Variants in QTMAN observed in about 807,000 individuals in gnomAD.
QTMAN encodes the protein tRNA-queuosine alpha-mannosyltransferase.
At chr2:144,325,457 T>C in the QTMAN span, among the ~76,000 whole-genome samples, 1 of 148,336 alleles carries the variant, frequency 6.7e-6, no homozygotes, top group African/African-American at 2.5e-5. Flanking sequence ...ATTCCTAACA[T>C]GACCTAAAAG....
chr2:144,095,328 G>T, the QTMAN span, among the ~76,000 whole-genome samples: 5 of 152,080 alleles, frequency 3.3e-5, no homozygotes, highest in African/African-American at 1.2e-4. Context: ...ACATAGTAGG[G>T]ACTCTGTAAG....
chr2:143,939,415 A>T, the QTMAN span: 1 of 152,190 alleles, frequency 6.6e-6, no homozygotes, highest in Non-Finnish European at 1.5e-5. Flanking sequence ...CTAGCTCCCA[A>T]GTCATTCAAA....
At chr2:144,251,492 GATGAAGAC>G in the QTMAN span, among the ~76,000 whole-genome samples, 5 of 152,096 alleles carry the variant, frequency 3.3e-5, no homozygotes, top group Non-Finnish European at 4.4e-5. Flanking sequence ...AATGAATCTA[GATGAAGAC>G]CTTACAATAT....
chr2:144,310,477 A>T, the QTMAN span, among the ~76,000 whole-genome samples: 1 of 152,328 alleles, frequency 6.6e-6, no homozygotes, highest in Admixed American at 6.5e-5. Context: ...TTTTAACCTA[A>T]ATATTCTGGA....
At chr2:144,037,694 G>T in the QTMAN span, among the ~76,000 whole-genome samples, 1 of 151,988 alleles carries the variant, frequency 6.6e-6, no homozygotes, top group African/African-American at 2.4e-5. Flanking sequence ...ATATAGTAAA[G>T]TACTCATCAA....
the QTMAN span, among the ~76,000 whole-genome samples, chr2:144,209,303 C>T: frequency 1.3e-5 from 2 of 152,182 alleles, no homozygotes; most frequent in Non-Finnish European, 2.9e-5. Flanking sequence ...TTGTATTACT[C>T]CATCTTTAAA....
chr2:144,255,927 G>A, the QTMAN span, among the ~76,000 whole-genome samples: 1 of 152,194 alleles, frequency 6.6e-6, no homozygotes, highest in Non-Finnish European at 1.5e-5. Flanking sequence ...GTTGATGGTT[G>A]GGGGAAGGCT....
At chr2:144,181,979 G>A in the QTMAN span, among the ~76,000 whole-genome samples, 12 of 151,976 alleles carry the variant, frequency 7.9e-5, no homozygotes, top group Admixed American at 3.9e-4. Flanking sequence ...TGAAAAAAGC[G>A]CTCTGTGGCC....
At chr2:144,177,369 G>A in the QTMAN span, 1 of 569,924 alleles carries the variant, frequency 1.8e-6, no homozygotes, top group East Asian at 2.8e-5. Flanking sequence ...TTTGGGGGTA[G>A]TCAATTGGAG....
At chr2:144,163,885 C>CT in the QTMAN span, among the ~76,000 whole-genome samples, 1 of 152,156 alleles carries the variant, frequency 6.6e-6, no homozygotes, top group Non-Finnish European at 1.5e-5. Flanking sequence ...AGACTGCCTG[C>CT]TTTGCTAACT....
At chr2:143,952,759 A>C in the QTMAN span, 1 of 1,529,502 alleles carries the variant, frequency 6.5e-7, no homozygotes, top group Non-Finnish European at 9.1e-7. Flanking sequence ...ATGAATGTAC[A>C]TTAAAGCAGC....
the QTMAN span, among the ~76,000 whole-genome samples, chr2:144,097,650 A>C: frequency 3.9e-5 from 6 of 152,150 alleles, no homozygotes; most frequent in Admixed American, 3.3e-4. Context: ...TACTCTCAAT[A>C]GGGTGATGAG....
At chr2:144,224,220 T>C in the QTMAN span, among the ~76,000 whole-genome samples, 1 of 152,244 alleles carries the variant, frequency 6.6e-6, no homozygotes, top group Admixed American at 6.5e-5. Flanking sequence ...TCTTTTTTAT[T>C]TTCTGAGAGA....
the QTMAN span, among the ~76,000 whole-genome samples, chr2:144,103,093 T>C: frequency 9.9e-5 from 15 of 152,160 alleles, no homozygotes; most frequent in Non-Finnish European, 1.9e-4. Context: ...GTGGTGATGA[T>C]GAAGATGATG....
At chr2:144,008,695 T>C in the QTMAN span, among the ~76,000 whole-genome samples, 5 of 152,076 alleles carry the variant, frequency 3.3e-5, no homozygotes, top group African/African-American at 9.6e-5. Flanking sequence ...AGGGAACATC[T>C]GGAAGAGTAG....
the QTMAN span, among the ~76,000 whole-genome samples, chr2:144,237,778 T>C: frequency 2.0e-5 from 3 of 152,114 alleles, no homozygotes; most frequent in Admixed American, 6.5e-5. Flanking sequence ...GTCTGAGTGA[T>C]CAACAGAATG....
At chr2:144,137,392 C>A in the QTMAN span, among the ~76,000 whole-genome samples, 6 of 151,620 alleles carry the variant, frequency 4.0e-5, no homozygotes, top group East Asian at 1.9e-4. Flanking sequence ...TTTTTTTTAA[C>A]TTCCCATATA....
chr2:144,068,565 G>A, the QTMAN span, among the ~76,000 whole-genome samples: 1 of 152,182 alleles, frequency 6.6e-6, no homozygotes, highest in Non-Finnish European at 1.5e-5. Context: ...GCAAATATAT[G>A]CAAATGTGGT....
the QTMAN span, among the ~76,000 whole-genome samples, chr2:143,977,730 T>A: frequency 6.6e-6 from 1 of 152,178 alleles, no homozygotes; most frequent in Admixed American, 6.5e-5. Flanking sequence ...ATCATCATAT[T>A]GAAATGGGCC....
Sources: gnomAD v4.1 joint callset for allele counts (sites outside exome capture counted in the v4.1 genomes callset) on GRCh38, gnomAD v4.1.1 for gene constraint, MANE v1.5 for transcripts, NCBI Gene and HGNC (gene_info 2026-07-23, HGNC 2026-07-21) for gene names.